Variants in INTU observed in about 807,000 individuals in gnomAD.
INTU encodes protein inturned.
Under a neutral mutation model 100.5 loss-of-function variants are expected in INTU, and 68 were observed. The observed-to-expected ratio is 0.68, with a 90% confidence interval of 0.56 to 0.83. INTU has a LOEUF of 0.83. Ranked by LOEUF, INTU falls within the 40% of genes least tolerant of loss-of-function variation. INTU has a pLI of 0.00. For synonymous variants in INTU, 357 were observed against 395.7 expected (o/e 0.90, Z 1.16); for missense variants, 1,071 against 1,114.7 (o/e 0.96, Z 0.56).
intron 6 of INTU, among the ~76,000 whole-genome samples, chr4:127,682,598 G>T (rs1232799329): frequency 2.6e-5 from 3 of 115,168 alleles, no homozygotes; most frequent in Middle Eastern, 6.5e-3. Flanking sequence ...ACTTTTGTGG[G>T]GTGGGGGGAG....
chr4:127,706,740 A>C lies in INTU; in HGVS notation c.2042A>C (p.Gln681Pro). 1 of 1,614,138 alleles carries C rather than the reference A, an allele frequency of 6.2e-7. No individual in the cohort carries two copies. The highest frequency in any genetic ancestry group is 8.5e-7 in the Non-Finnish European group (1 of 1,179,990). Residue 681 changes from glutamine (Q) to proline (P), a missense_variant, in exon 12 of 16, where the codon CAA becomes CCA. Gln to Pro is a moderately conservative substitution (Grantham distance 76). Coordinates refer to ENST00000335251, the MANE Select transcript of INTU (RefSeq NM_015693.4). ...LTTSPILSRL[Q>P]GTSKVATSPT... Reference sequence around the variant, plus strand: ...ACTTCGCCTATTCTCAGTAGGCTACAAGGTACTTCCAAAGTAGCAACTTCT... The same window carrying C: ...ACTTCGCCTATTCTCAGTAGGCTACCAGGTACTTCCAAAGTAGCAACTTCT...
chr4:127,683,771 C>G (rs1729691677), intron 6 of INTU: 1 of 152,188 alleles, frequency 6.6e-6, no homozygotes, highest in African/African-American at 2.4e-5. Context: ...TAAGTGCTCA[C>G]CGGCAGGCTC....
At chr4:127,711,181 C>A (rs1731081411) in intron 14 of INTU, 79 bp downstream of exon 14, 6 of 1,085,108 alleles carry the variant, frequency 5.5e-6, no homozygotes, top group South Asian at 2.5e-5. Flanking sequence ...AATCAATATG[C>A]CCAGCATTGT....
chr4:127,652,242 A>T (rs1727921352), intron 2 of INTU, among the ~76,000 whole-genome samples: 2 of 141,558 alleles, frequency 1.4e-5, no homozygotes, highest in Non-Finnish European at 3.0e-5. Flanking sequence ...CCTGGCCAGA[A>T]CTTCCAACAC....
chr4:127,706,940 GGTTTAGA>G lies in INTU; in HGVS notation c.2243_2249del (p.Gly748GlufsTer25). 1 of 1,613,700 alleles carries G rather than the reference GGTTTAGA, an allele frequency of 6.2e-7. No homozygotes were observed. Among genetic ancestry groups the G allele is most frequent in the Non-Finnish European group, 8.5e-7 (1 of 1,179,776 alleles). On this transcript the variant is annotated frameshift_variant, in exon 12 of 16. Coordinates refer to ENST00000335251, the MANE Select transcript of INTU (RefSeq NM_015693.4). LOFTEE classifies it high-confidence loss of function. ...GCAAAGAGAATCTCAGGGCTCTGAT[GGTTTAGA>G]AGAAAGTGGGACCTTGCTTAAGGTG...
intron 3 of INTU, 90 bp from the exon 4 acceptor site, chr4:127,663,291 G>A (rs571968544): frequency 1.2e-6 from 1 of 836,546 alleles, no homozygotes; most frequent in Non-Finnish European, 2.0e-6. Flanking sequence ...TACATACCTG[G>A]GTGTATGTAC....
chr4:127,638,589 A>G (rs893214475), intron 1 of INTU, among the ~76,000 whole-genome samples: 2 of 152,156 alleles, frequency 1.3e-5, no homozygotes, highest in Non-Finnish European at 2.9e-5. Context: ...GAATGAGACA[A>G]TTATTAGCAT....
chr4:127,645,459 AG>A (rs1319347740), intron 2 of INTU, among the ~76,000 whole-genome samples: 4 of 152,218 alleles, frequency 2.6e-5, no homozygotes, highest in Admixed American at 2.6e-4. Context: ...TAACTGCATG[AG>A]GAATCCCAAG....
At chr4:127,690,139 TG>T (rs1288596097) in intron 8 of INTU, among the ~76,000 whole-genome samples, 3 of 152,234 alleles carry the variant, frequency 2.0e-5, no homozygotes, top group African/African-American at 7.2e-5. Context: ...AAGTTTAAGA[TG>T]TTCTAAAGTA....
At chr4:127,655,001 C>A (rs939674631) in intron 2 of INTU, among the ~76,000 whole-genome samples, 1 of 151,748 alleles carries the variant, frequency 6.6e-6, no homozygotes, top group African/African-American at 2.4e-5. Context: ...ACCCTTTCTT[C>A]CAGTTGATTG....
At chr4:127,708,728 C>G in intron 13 of INTU, 60 bp downstream of exon 13, 1 of 798,414 alleles carries the variant, frequency 1.3e-6, no homozygotes, top group South Asian at 1.7e-5. Context: ...TGAGAAAGTA[C>G]AATTTTATAA....
chr4:127,667,516 AAGCTT>A (rs1425596493), intron 4 of INTU, among the ~76,000 whole-genome samples: 3 of 152,126 alleles, frequency 2.0e-5, no homozygotes, highest in African/African-American at 7.2e-5. Flanking sequence ...TATTTAATAA[AAGCTT>A]AGCTTCTTCA....
chr4:127,643,761 T>TA lies in INTU; in HGVS notation c.395dup (p.Asn132LysfsTer2), dbSNP rs771175764. 1.4e-5 allele frequency: 22 copies of TA among 1,610,920 alleles called. No homozygotes were observed. Among genetic ancestry groups the TA allele is most frequent in the Non-Finnish European group, 1.8e-5 (21 of 1,178,394 alleles). The stretch of plus-strand genomic sequence containing the variant: ...AAAGACTTTTACCCAAGCGCTGCAA[T>TA]AAAAAAAATAGCAATGACAATGGAC... On this transcript the variant is annotated frameshift_variant, in exon 2 of 16. Transcript: ENST00000335251. LOFTEE classifies it high-confidence loss of function.
chr4:127,650,388 C>A (rs1430192186), intron 2 of INTU, among the ~76,000 whole-genome samples: 1 of 131,596 alleles, frequency 7.6e-6, no homozygotes, highest in African/African-American at 2.9e-5. Flanking sequence ...CCCACCCCAC[C>A]ACAGTCCCCA....
chr4:127,655,216 C>G (rs1459724167), intron 2 of INTU, among the ~76,000 whole-genome samples: 1 of 152,018 alleles, frequency 6.6e-6, no homozygotes, highest in Non-Finnish European at 1.5e-5. Flanking sequence ...GCCTTCTTCT[C>G]TCAGCTCGTC....
chr4:127,648,535 C>T (rs1003179304), intron 2 of INTU, among the ~76,000 whole-genome samples: 3 of 152,094 alleles, frequency 2.0e-5, no homozygotes, highest in Non-Finnish European at 4.4e-5. Context: ...GGAATGTATT[C>T]ATTAGGATTT....
intron 2 of INTU, among the ~76,000 whole-genome samples, 176 bp from the exon 3 acceptor site, chr4:127,656,460 G>A (rs1004143601): frequency 6.6e-6 from 1 of 152,192 alleles, no homozygotes; most frequent in African/African-American, 2.4e-5. Context: ...AGTAAAGTTA[G>A]GAGAGTAGCC....
At chr4:127,634,183 G>A (rs904289388) in intron 1 of INTU, among the ~76,000 whole-genome samples, 5 of 152,134 alleles carry the variant, frequency 3.3e-5, no homozygotes, top group African/African-American at 4.8e-5. Flanking sequence ...CATTCTTGAA[G>A]ACTTAAACAA....
chr4:127,676,585 CAAAA>C (rs759247806), intron 6 of INTU, among the ~76,000 whole-genome samples: 1 of 76,782 alleles, frequency 1.3e-5, no homozygotes, highest in Non-Finnish European at 2.7e-5. Flanking sequence ...GACAATGTCT[CAAAA>C]AAAAAAAAAA....
Sources: gnomAD v4.1 joint callset for allele counts (sites outside exome capture counted in the v4.1 genomes callset) on GRCh38, gnomAD v4.1.1 for gene constraint, MANE v1.5 for transcripts, NCBI Gene and HGNC (gene_info 2026-07-23, HGNC 2026-07-21) for gene names.